The following NPAS1 variants were observed in gnomAD, a reference collection of about 807,000 sequenced individuals.
NPAS1 encodes the protein neuronal PAS domain protein 1, also known as neuronal PAS domain-containing protein 1.
In NPAS1, 29 loss-of-function variants were observed where a neutral mutation model predicts 49.2. That is an observed-to-expected ratio of 0.59 (90% CI 0.44 to 0.80). The LOEUF is 0.80. Ranked by LOEUF, NPAS1 falls within the 30% of genes least tolerant of loss-of-function variation. The pLI, the probability that NPAS1 is intolerant of heterozygous loss-of-function variation, is 0.00. For missense variants in NPAS1, 825 were observed against 835.5 expected (o/e 0.99, Z 0.15); for synonymous variants, 408 against 380.4 (o/e 1.07, Z -0.84).
At position 47,027,621 on chromosome 19, in the gene NPAS1, TC is replaced by T; in HGVS notation, c.359-4656del. On this transcript the variant is annotated intron_variant, in intron 3 of 11. Transcript: ENST00000602212. ...CCGTCTCTCTGCCCCTGGTCTCCCGTCTCTCTGCCCCTGGTCTCCCGTCTGT... is the reference window on the plus strand; with the variant it reads ...CCGTCTCTCTGCCCCTGGTCTCCCGTTCTCTGCCCCTGGTCTCCCGTCTGT... Among the ~76,000 whole-genome samples, 2 of 79,008 alleles carry T rather than the reference TC, an allele frequency of 2.5e-5. 1 individual carries two copies. The highest frequency in any genetic ancestry group is 5.2e-5 in the Non-Finnish European group (2 of 38,258). The allele number at this position is 79,008 out of a possible 152,430, so 51.8% of individuals were successfully genotyped here. A position where few individuals can be genotyped will look rare whatever the true frequency, so the allele number is the denominator to read the frequency against.
At chr19:47,024,261 T>C (rs2122438037) in intron 3 of NPAS1, among the ~76,000 whole-genome samples, 1 of 152,208 alleles carries the variant, frequency 6.6e-6, no homozygotes, top group South Asian at 2.1e-4. Flanking sequence ...CACTCCAGCC[T>C]GGGCAACAGA....
chr19:47,045,474 G>T lies in NPAS1; in HGVS notation c.1596G>T (p.Val532=), dbSNP rs758508595. ...TGCACGCGGGCTTCCTGCCGCCGGT[G>T]GTGCGGGGCCTGTGCACACCCGGCA... is the stretch of plus-strand genomic sequence containing the variant. ...TLLHAGFLPP[V]VRGLCTPGTI... is the part of the protein sequence containing the mutation. Residue 532 remains valine, a synonymous_variant, in exon 12 of 12, where the codon GTG becomes GTT. Coordinates refer to ENST00000602212, the MANE Select transcript of NPAS1 (RefSeq NM_002517.4). The T allele has an allele frequency of 1.6e-5, 26 of 1,575,978 alleles. No homozygotes were observed. The South Asian group carries it at 2.2e-4, about 13-fold the overall frequency.
intron 10 of NPAS1, among the ~76,000 whole-genome samples, chr19:47,042,034 A>C (rs1599922407): frequency 6.7e-6 from 1 of 149,064 alleles, no homozygotes; most frequent in East Asian, 2.0e-4. Context: ...TAGGCCAGGC[A>C]CAGTGGCTCA....
chr19:47,045,462 C>G lies in NPAS1; in HGVS notation c.1584C>G (p.Phe528Leu). Residue 528 changes from phenylalanine to leucine, a missense_variant, in exon 12 of 12, where the codon TTC becomes TTG. Transcript: ENST00000602212. The stretch of plus-strand genomic sequence containing the variant: ...CGCCCACCCTCCTGCACGCGGGCTT[C>G]CTGCCGCCGGTGGTGCGGGGCCTGT... The part of the protein sequence containing the change: ...DPPPTLLHAG[F>L]LPPVVRGLCT... 1.3e-6 allele frequency: 2 copies of G among 1,587,382 alleles called. No individual in the cohort carries two copies. Among genetic ancestry groups the G allele is most frequent in the Non-Finnish European group, 1.7e-6 (2 of 1,169,738 alleles).
rs953671061 is a variant in NPAS1, at chr19:47,021,645, C to T, written c.156C>T (p.Asn52=). 1.9e-6 allele frequency: 3 copies of T among 1,550,478 alleles called. No homozygotes were observed. The highest frequency in any genetic ancestry group is 2.8e-5 in the African/African-American group (2 of 71,266). Reference sequence around the variant, plus strand: ...CGCAGCGCAAGGAGAAGTCCCGGAACGCGGCGCGCTCGCGGCGCGGGAAGG... The same window carrying T: ...CGCAGCGCAAGGAGAAGTCCCGGAATGCGGCGCGCTCGCGGCGCGGGAAGG... The part of the protein sequence containing the change: ...LQAQRKEKSR[N]AARSRRGKEN... Residue 52 remains asparagine, a synonymous_variant, in exon 3 of 12, where the codon AAC becomes AAT. Transcript: ENST00000602212. This position sits in a 1 kb window ranked among gnomAD's most constrained non-coding sequence, Gnocchi z 5.7.
Position 47,021,612 on chromosome 19 carries a change from C to A in NPAS1, c.123C>A (p.Cys41Ter). The change falls in exon 3 of 12, where the codon TGC (cysteine) becomes TGA (stop). Residue 41 changes from cysteine (C) to a stop codon, truncating the protein, a stop_gained and splice_region_variant. Transcript: ENST00000602212. LOFTEE classifies it high-confidence loss of function. This position sits in a 1 kb window ranked among gnomAD's most constrained non-coding sequence, Gnocchi z 5.7. ...GLMVKAPSGP[C>*]LQAQRKEKSR... The stretch of plus-strand genomic sequence containing the variant: ...CACCTCCTCCGCGCCGCCCGCCCAG[C>A]CTGCAGGCGCAGCGCAAGGAGAAGT... The A allele has an allele frequency of 1.3e-6, 2 of 1,495,846 alleles. No individual in the cohort carries two copies. Among genetic ancestry groups the A allele is most frequent in the Non-Finnish European group, 1.8e-6 (2 of 1,122,466 alleles). The allele number at this position is 1,495,846 out of a possible 1,614,324, so 92.7% of individuals were successfully genotyped here. A position where few individuals can be genotyped will look rare whatever the true frequency, so the allele number is the denominator to read the frequency against.
chr19:47,043,278 C>CAAAA (rs1170715547), intron 11 of NPAS1, among the ~76,000 whole-genome samples: 1 of 58,598 alleles, frequency 1.7e-5, no homozygotes, highest in African/African-American at 7.4e-5. Flanking sequence ...GACTCTGTCT[C>CAAAA]AAAAAAAAAA....
At chr19:47,029,238 C>T (rs1026763521) in intron 3 of NPAS1, among the ~76,000 whole-genome samples, 4 of 151,674 alleles carry the variant, frequency 2.6e-5, no homozygotes, top group Non-Finnish European at 5.9e-5. Flanking sequence ...CACACCACCA[C>T]GCCCGGCTAG....
At chr19:47,033,860 C>T (rs568419414) in intron 5 of NPAS1, among the ~76,000 whole-genome samples, 81 of 149,186 alleles carry the variant, frequency 5.4e-4, no homozygotes, top group Middle Eastern at 3.4e-3. Context: ...ACTGTTGTCC[C>T]AGCTACTCAG....
intron 7 of NPAS1, 89 bp from the exon 8 acceptor site, chr19:47,039,318 G>T (rs554753209): frequency 3.3e-5 from 52 of 1,559,708 alleles, no homozygotes; most frequent in Non-Finnish European, 4.5e-5. Context: ...CAGCACCTGT[G>T]GGGGACAGAG....
Position 47,032,148 on chromosome 19 carries a change from G to A in NPAS1, c.359-130G>A. 3 of 759,466 alleles carry A rather than the reference G, an allele frequency of 4.0e-6. No individual in the cohort carries two copies. In the South Asian group the frequency reaches 5.3e-5, roughly 13 times the overall value. The allele number at this position is 759,466 out of a possible 1,614,324, so 47.0% of individuals were successfully genotyped here. A position where few individuals can be genotyped will look rare whatever the true frequency, so the allele number is the denominator to read the frequency against. On this transcript the variant is annotated intron_variant, in intron 3 of 11. Transcript: ENST00000602212. ...CCACGCCCCAGGTCTCTCCCCCATG[G>A]GTGCCCAGATACCCCAAGATGTCTA...
Position 47,041,812 on chromosome 19 carries a change from TAA to T in NPAS1, c.1217+695_1217+696del, listed in dbSNP as rs34009350. On this transcript the variant is annotated intron_variant, in intron 10 of 11. Coordinates refer to ENST00000602212, the MANE Select transcript of NPAS1 (RefSeq NM_002517.4). ...CAACCAAGTGAGGTCCCATCTCTAT[TAA>T]AAAAAAATTTTTTTAATTGGCCCGT... Among the ~76,000 whole-genome samples the T allele has an allele frequency of 1.4e-4, 20 of 147,222 alleles. No individual in the cohort carries two copies. The South Asian group carries it at 1.8e-3, about 13-fold the overall frequency.
chr19:47,043,699 G>A (rs943268122), intron 11 of NPAS1, among the ~76,000 whole-genome samples: 2 of 152,138 alleles, frequency 1.3e-5, no homozygotes, highest in South Asian at 4.1e-4. Context: ...AGAGGTTGCA[G>A]TGAGCTGAGA....
intron 10 of NPAS1, among the ~76,000 whole-genome samples, chr19:47,041,457 C>T (rs2057020822): frequency 6.6e-6 from 1 of 151,812 alleles, no homozygotes; most frequent in African/African-American, 2.4e-5. Flanking sequence ...CCAGGGGAGG[C>T]CCACAGAGCA....
intron 3 of NPAS1, among the ~76,000 whole-genome samples, chr19:47,028,590 C>G (rs908354597): frequency 6.6e-6 from 1 of 152,148 alleles, no homozygotes; most frequent in Non-Finnish European, 1.5e-5. Flanking sequence ...GGACTGAATG[C>G]GTAACCAGCC....
chr19:47,039,104 T>C lies in NPAS1; in HGVS notation c.757T>C (p.Ser253Pro). ...GCGCTCCTTCTTTGTCCGCATGAAA[T>C]CCACGCTCACCAAGAGGGGGCTGCA... ...QERSFFVRMK[S>P]TLTKRGLHVK... is the part of the protein sequence containing the mutation. The change falls in exon 7 of 12, where the codon TCC (serine) becomes CCC (proline). Residue 253 changes from serine to proline, a missense_variant. Transcript: ENST00000602212. 1 of 1,613,884 alleles carries C rather than the reference T, an allele frequency of 6.2e-7. No individual in the cohort carries two copies. Among genetic ancestry groups the C allele is most frequent in the South Asian group, 1.1e-5 (1 of 91,058 alleles).
At position 47,025,872 on chromosome 19, in the gene NPAS1, G is replaced by A. The variant is rs183881530; in HGVS notation, c.358+4025G>A. 1.8e-4 allele frequency among the ~76,000 whole-genome samples: 28 copies of A among 152,348 alleles called. No homozygotes were observed. In the East Asian group the frequency reaches 5.2e-3, roughly 28 times the overall value. ...TTACAGGTATGAGCCACTGTGCCCAGCCAAGGGGTGACTTCTTAGCTCATA... is the reference window on the plus strand; with the variant it reads ...TTACAGGTATGAGCCACTGTGCCCAACCAAGGGGTGACTTCTTAGCTCATA... On this transcript the variant is annotated intron_variant, in intron 3 of 11. Coordinates refer to ENST00000602212, the MANE Select transcript of NPAS1 (RefSeq NM_002517.4).
intron 3 of NPAS1, among the ~76,000 whole-genome samples, chr19:47,026,600 C>T (rs559576694): frequency 2.0e-5 from 3 of 152,262 alleles, no homozygotes; most frequent in South Asian, 4.1e-4. Context: ...ACACAGAGGG[C>T]GGCCTCCAAG....
chr19:47,042,352 A>AGG (rs2122553202), intron 10 of NPAS1, among the ~76,000 whole-genome samples: 1 of 152,318 alleles, frequency 6.6e-6, no homozygotes, highest in East Asian at 1.9e-4. Flanking sequence ...GCTGCCATGA[A>AGG]GGAGGCACTG....
Sources: gnomAD v4.1 joint callset for allele counts (sites outside exome capture counted in the v4.1 genomes callset) on GRCh38, gnomAD v4.1.1 for gene constraint, Gnocchi (gnomAD v3.1) non-coding constraint, MANE v1.5 for transcripts, NCBI Gene and HGNC (gene_info 2026-07-23, HGNC 2026-07-21) for gene names.